Variants in FHIT observed in about 807,000 individuals in gnomAD.
The protein encoded by FHIT is bis(5'-adenosyl)-triphosphatase.
In FHIT, 19 loss-of-function variants were observed where a neutral mutation model predicts 17.9. That is an observed-to-expected ratio of 1.06 (90% CI 0.74 to 1.56). FHIT has a LOEUF of 1.56. Among genes scored for constraint, FHIT ranks in the 40% most tolerant of loss-of-function variants. The pLI is 0.00. For missense variants in FHIT, 248 were observed against 189.2 expected (o/e 1.31, Z -1.82); for synonymous variants, 81 against 69.7 (o/e 1.16, Z -0.81).
In FHIT at chr3:60,938,287, T is replaced by A. The variant is rs191226328; in HGVS notation, c.-111+103760A>T. Among the ~76,000 whole-genome samples the A allele has an allele frequency of 5.3e-5, 8 of 152,240 alleles. No individual in the cohort carries two copies. The East Asian group carries it at 1.5e-3, about 29-fold the overall frequency. On this transcript the variant is annotated intron_variant, in intron 3 of 9. Coordinates refer to ENST00000492590, the MANE Select transcript of FHIT (RefSeq NM_002012.4). Reference sequence around the variant, plus strand: ...GTGTTGTGCTATGTAGAATGCTGTATGAGGAAGGGCAGCAGGCTTTCTCCC... The same window carrying A: ...GTGTTGTGCTATGTAGAATGCTGTAAGAGGAAGGGCAGCAGGCTTTCTCCC...
chr3:60,214,234 T>G (rs1461693802), intron 5 of FHIT, among the ~76,000 whole-genome samples: 1 of 152,206 alleles, frequency 6.6e-6, no homozygotes, highest in Non-Finnish European at 1.5e-5. Context: ...CAAATTGTAT[T>G]AGTCTAATCA....
chr3:60,233,740 T>C (rs1051044699), intron 5 of FHIT, among the ~76,000 whole-genome samples: 4 of 152,096 alleles, frequency 2.6e-5, no homozygotes, highest in African/African-American at 9.7e-5. Context: ...TGGCAGGTAA[T>C]TGAATCATGG....
intron 7 of FHIT, among the ~76,000 whole-genome samples, chr3:59,994,883 C>G (rs1699442022): frequency 6.6e-6 from 1 of 152,086 alleles, no homozygotes; most frequent in Non-Finnish European, 1.5e-5. Context: ...TGACGCCACA[C>G]CTGTTTCTAT....
chr3:60,932,178 C>T (rs1553771956), intron 3 of FHIT, among the ~76,000 whole-genome samples: 1 of 152,206 alleles, frequency 6.6e-6, no homozygotes, highest in African/African-American at 2.4e-5. Flanking sequence ...TAAGTGCTCT[C>T]CTTCATTTAT....
At chr3:60,678,972 A>G (rs2040685848) in intron 4 of FHIT, among the ~76,000 whole-genome samples, 1 of 151,210 alleles carries the variant, frequency 6.6e-6, no homozygotes, top group South Asian at 2.1e-4. Flanking sequence ...AAAAAAAAAA[A>G]CAAGCAAAAA....
intron 5 of FHIT, among the ~76,000 whole-genome samples, chr3:60,186,815 GT>G (rs34706556): frequency 2.7e-4 from 40 of 147,356 alleles, no homozygotes; most frequent in African/African-American, 7.0e-4. Flanking sequence ...TATTGTATTT[GT>G]TTTTTTTTTT....
At chr3:60,494,981 T>C (rs1441168738) in intron 5 of FHIT, among the ~76,000 whole-genome samples, 2 of 152,186 alleles carry the variant, frequency 1.3e-5, no homozygotes, top group Non-Finnish European at 2.9e-5. Context: ...CCTTTGGGTA[T>C]ATATCCAACA....
intron 8 of FHIT, among the ~76,000 whole-genome samples, chr3:59,833,026 C>T (rs936823): frequency 0.08 from 12,163 of 152,154 alleles, 1,512 homozygotes; most frequent in African/African-American, 0.27. Context: ...TAAATGAATA[C>T]TGACTTATAT....
At chr3:61,037,835 C>T (rs1191843618) in intron 3 of FHIT, among the ~76,000 whole-genome samples, 1 of 152,174 alleles carries the variant, frequency 6.6e-6, no homozygotes, top group Non-Finnish European at 1.5e-5. Flanking sequence ...GACCATGAGA[C>T]AAATACATTT....
At chr3:60,224,657 G>A (rs937598501) in intron 5 of FHIT, among the ~76,000 whole-genome samples, 9 of 152,050 alleles carry the variant, frequency 5.9e-5, no homozygotes, top group Non-Finnish European at 1.2e-4. Context: ...TAATCTCCAT[G>A]AGGGCAGGGA....
intron 5 of FHIT, among the ~76,000 whole-genome samples, chr3:60,091,263 G>A (rs6446109): frequency 1.3e-5 from 2 of 152,296 alleles, no homozygotes; most frequent in African/African-American, 2.4e-5. Flanking sequence ...AAGGACATAT[G>A]AGTTTGTTAT....
intron 4 of FHIT, among the ~76,000 whole-genome samples, chr3:60,712,287 G>A (rs777028967): frequency 6.6e-6 from 1 of 152,124 alleles, no homozygotes; most frequent in African/African-American, 2.4e-5. Context: ...CACTGAACAT[G>A]GAAAGGAACA....
chr3:61,082,455 C>T (rs919438076), intron 2 of FHIT, among the ~76,000 whole-genome samples: 7 of 151,938 alleles, frequency 4.6e-5, no homozygotes, highest in African/African-American at 1.7e-4. Flanking sequence ...GTGAATATAC[C>T]CTTTTACTTA....
chr3:60,175,632 G>C (rs1191935899), intron 5 of FHIT, among the ~76,000 whole-genome samples: 3 of 152,110 alleles, frequency 2.0e-5, no homozygotes, highest in Non-Finnish European at 4.4e-5. Flanking sequence ...GAAGATAAAA[G>C]CTGTGCACAT....
At chr3:60,284,578 T>G (rs75436208) in intron 5 of FHIT, among the ~76,000 whole-genome samples, 1,704 of 152,208 alleles carry the variant, frequency 0.011, 28 homozygotes, top group African/African-American at 0.039. Context: ...CATAAAGAGC[T>G]ACACTTTTTT....
At chr3:60,598,114 G>A (rs1201286422) in intron 4 of FHIT, among the ~76,000 whole-genome samples, 1 of 152,166 alleles carries the variant, frequency 6.6e-6, no homozygotes, top group African/African-American at 2.4e-5. Context: ...ATCGAAGTTA[G>A]ATAGCAGCAA....
chr3:60,443,905 A>C (rs1423646905), intron 5 of FHIT, among the ~76,000 whole-genome samples: 1 of 152,186 alleles, frequency 6.6e-6, no homozygotes, highest in Non-Finnish European at 1.5e-5. Context: ...GTGAACAGGC[A>C]ACCTACAGAA....
chr3:60,566,453 G>GT (rs1197233452), intron 4 of FHIT, among the ~76,000 whole-genome samples: 6 of 152,088 alleles, frequency 3.9e-5, no homozygotes, highest in Non-Finnish European at 8.8e-5. Flanking sequence ...TTGATGAGAC[G>GT]TATCTCAAAA....
At chr3:60,321,891 G>T (rs1014082640) in intron 5 of FHIT, among the ~76,000 whole-genome samples, 5 of 152,158 alleles carry the variant, frequency 3.3e-5, no homozygotes, top group Admixed American at 1.3e-4. Context: ...TCCTTTAAGA[G>T]GGTGCTAATC....
Sources: allele counts gnomAD v4.1 joint callset (sites outside exome capture counted in the v4.1 genomes callset), GRCh38; gene constraint gnomAD v4.1.1; transcripts MANE v1.5; gene names NCBI Gene and HGNC (gene_info 2026-07-23, HGNC 2026-07-21).